The following WDR43 variants were observed in gnomAD, a reference collection of about 807,000 sequenced individuals.
WDR43 encodes the protein WD repeat domain 43.
Under a neutral mutation model 91.4 loss-of-function variants are expected in WDR43, and 13 were observed. The observed-to-expected ratio is 0.14, with a 90% CI of 0.09 to 0.23. The LOEUF (loss-of-function observed/expected upper bound fraction) is 0.23, where lower values mean the gene tolerates loss of function less well. Ranked by LOEUF, WDR43 falls within the 10% of genes least tolerant of loss-of-function variation. The pLI is 1.00. For missense variants in WDR43, 780 were observed against 809.4 expected (o/e 0.96, Z 0.44); for synonymous variants, 331 against 287.9 (o/e 1.15, Z -1.51).
chr2:28,944,004 C>T (rs1451176022), intron 16 of WDR43, among the ~76,000 whole-genome samples: 1 of 152,160 alleles, frequency 6.6e-6, no homozygotes, highest in Admixed American at 6.5e-5. Context: ...ATCCCAGTGA[C>T]CAATACTTCT....
chr2:28,936,980 CAG>C (rs1373762943), intron 13 of WDR43, 27 bp downstream of exon 13: 1 of 1,556,578 alleles, frequency 6.4e-7, no homozygotes, highest in African/African-American at 1.4e-5. Flanking sequence ...GACTTAAAAA[CAG>C]TGTTGTCTGA....
At chr2:28,909,087 T>C (rs991687291) in intron 3 of WDR43, among the ~76,000 whole-genome samples, 1 of 152,144 alleles carries the variant, frequency 6.6e-6, no homozygotes, top group African/African-American at 2.4e-5. Context: ...CTTGGAAAAC[T>C]TCTCTGTCTT....
chr2:28,935,313 A>G (rs1671318175), intron 11 of WDR43, among the ~76,000 whole-genome samples: 1 of 152,130 alleles, frequency 6.6e-6, no homozygotes, highest in African/African-American at 2.4e-5. Context: ...ACTGATACCC[A>G]AAGACTGTGC....
chr2:28,898,522 CTG>C (rs948261136), intron 1 of WDR43, among the ~76,000 whole-genome samples: 7 of 152,236 alleles, frequency 4.6e-5, no homozygotes, highest in Admixed American at 2.0e-4. Context: ...TCACTGTTAT[CTG>C]TGAAACACAC....
intron 14 of WDR43, 148 bp downstream of exon 14, chr2:28,938,142 C>G: frequency 1.2e-6 from 1 of 822,824 alleles, no homozygotes; most frequent in Admixed American, 2.9e-5. Context: ...TTGTTTTACC[C>G]CGGGTGCAAT....
chr2:28,946,970 T>C lies in WDR43; in HGVS notation c.*191T>C, dbSNP rs1299937889. On this transcript the variant is annotated 3_prime_UTR_variant, in exon 18 of 18. Transcript: ENST00000407426. ...AAATAAGAGTGTTTCATTCAAATGT[T>C]AATAAACTTTACACAGTATATAGAC... 3 of 583,650 alleles carry C rather than the reference T, an allele frequency of 5.1e-6. No homozygotes were observed. The highest frequency in any genetic ancestry group is 8.7e-6 in the Non-Finnish European group (3 of 343,220). The allele number at this position is 583,650 out of a possible 1,614,324, so 36.2% of individuals were successfully genotyped here.
At chr2:28,903,207 A>G (rs1670610940) in intron 2 of WDR43, among the ~76,000 whole-genome samples, 1 of 152,176 alleles carries the variant, frequency 6.6e-6, no homozygotes, top group Non-Finnish European at 1.5e-5. Context: ...AACAAGTGGG[A>G]TAGTCCATTA....
intron 1 of WDR43, among the ~76,000 whole-genome samples, chr2:28,897,974 T>G (rs553239508): frequency 1.3e-5 from 2 of 152,278 alleles, no homozygotes; most frequent in East Asian, 3.9e-4. Flanking sequence ...AGGGACTCTA[T>G]CTAGATGGAT....
At chr2:28,943,303 T>TC (rs1671483752) in intron 16 of WDR43, among the ~76,000 whole-genome samples, 2 of 152,174 alleles carry the variant, frequency 1.3e-5, no homozygotes, top group South Asian at 4.1e-4. Context: ...TGGCCAATTT[T>TC]CTTTTTTTAA....
intron 3 of WDR43, among the ~76,000 whole-genome samples, chr2:28,911,080 T>C (rs1016682126): frequency 1.3e-5 from 2 of 152,058 alleles, no homozygotes; most frequent in African/African-American, 2.4e-5. Flanking sequence ...TTTTTTTTCT[T>C]TATAATTTCT....
intron 3 of WDR43, among the ~76,000 whole-genome samples, chr2:28,912,010 G>T (rs1386868237): frequency 6.6e-6 from 1 of 152,140 alleles, no homozygotes; most frequent in African/African-American, 2.4e-5. Context: ...AAAGACTCCA[G>T]CTTCTAATCA....
chr2:28,902,023 G>T lies in WDR43; in HGVS notation c.262G>T (p.Val88Leu), dbSNP rs73920398. 2 of 1,606,008 alleles carry T rather than the reference G, an allele frequency of 1.2e-6. No individual in the cohort carries two copies. The highest frequency in any genetic ancestry group is 1.3e-5 in the African/African-American group (1 of 74,348). ...PQRKKRKSEA[V>L]GMSNQTDLLA... ...GAGGAAAAAAAGGAAATCAGAAGCT[G>T]TAGGAATGAGTAACCAGACTGACTT... The change falls in exon 2 of 18, where the codon GTA becomes TTA. Residue 88 changes from valine to leucine, a missense_variant. Physicochemically the swap from Val to Leu is conservative, Grantham distance 32. This residue lies in a region of WDR43 where 174 missense variants were observed against 207.3 expected (regional missense o/e 0.84). Transcript: ENST00000407426.
At chr2:28,925,862 A>G (rs978076466) in intron 8 of WDR43, among the ~76,000 whole-genome samples, 1 of 152,172 alleles carries the variant, frequency 6.6e-6, no homozygotes, top group African/African-American at 2.4e-5. Flanking sequence ...TGTGAATTCC[A>G]TCCCTCTCTG....
chr2:28,938,026 G>A, intron 14 of WDR43, 32 bp downstream of exon 14: 1 of 1,608,616 alleles, frequency 6.2e-7, no homozygotes, highest in Non-Finnish European at 8.5e-7. Context: ...TGCCGAGTAT[G>A]AATAGTTTGG....
Position 28,917,812 on chromosome 2 carries a change from C to G in WDR43, c.747-81C>G, listed in dbSNP as rs1208632720. On this transcript the variant is annotated intron_variant, in intron 5 of 17. Transcript: ENST00000407426. The stretch of plus-strand genomic sequence containing the variant: ...TATTGGGAATCTCATGTGCTGATCT[C>G]CATGCCTCCTTAGGTGTTTGCCTTT... 1.1e-5 allele frequency: 13 copies of G among 1,223,260 alleles called. No homozygotes were observed. In the East Asian group the frequency reaches 3.1e-4, roughly 29 times the overall value. 75.8% of individuals were successfully genotyped at this position (1,223,260 alleles called of 1,614,324 possible). A position where few individuals can be genotyped will look rare whatever the true frequency, so the allele number is the denominator to read the frequency against.
Position 28,910,629 on chromosome 2 carries a change from T to G in WDR43, c.486-1961T>G, listed in dbSNP as rs1572584717. On this transcript the variant is annotated intron_variant, in intron 3 of 17. Transcript: ENST00000407426. ...TTGTAATATATATTTTTGATACTTT[T>G]TTCTAGCTTTTTACATATATATACA... is the stretch of plus-strand genomic sequence containing the variant. Among the ~76,000 whole-genome samples, 3 of 150,606 alleles carry G rather than the reference T, an allele frequency of 2.0e-5. No individual in the cohort carries two copies. In the East Asian group the frequency reaches 5.8e-4, roughly 29 times the overall value.
intron 5 of WDR43, among the ~76,000 whole-genome samples, chr2:28,914,906 C>T (rs1014305968): frequency 2.6e-5 from 4 of 151,924 alleles, no homozygotes; most frequent in African/African-American, 4.8e-5. Flanking sequence ...TCTAGCCTGG[C>T]GACAGAGCGA....
intron 8 of WDR43, 110 bp from the exon 9 acceptor site, chr2:28,926,358 C>T: frequency 1.3e-6 from 1 of 756,180 alleles, no homozygotes; most frequent in Non-Finnish European, 2.0e-6. Flanking sequence ...TATAAAAATG[C>T]ACAAGTAGTC....
At position 28,894,931 on chromosome 2, in the gene WDR43, G is replaced by A; in HGVS notation, c.225+8G>A. 6.4e-7 allele frequency: 1 copy of A among 1,564,954 alleles called. No homozygotes were observed. On this transcript the variant is annotated splice_region_variant and intron_variant, in intron 1 of 17. Coordinates refer to ENST00000407426, the MANE Select transcript of WDR43 (RefSeq NM_015131.3). ...GCGCGGCTGCAGGCCAAGGTAAAGC[G>A]AGCGGGACTGCGCGGGGCGGGCGCC...
Sources: allele counts gnomAD v4.1 joint callset (sites outside exome capture counted in the v4.1 genomes callset), GRCh38; gene constraint gnomAD v4.1.1; regional missense constraint gnomAD v4.1.1; transcripts MANE v1.5; gene names NCBI Gene and HGNC (gene_info 2026-07-23, HGNC 2026-07-21).